Variants in PCP4 observed in about 807,000 individuals in gnomAD.
PCP4 encodes the protein Purkinje cell protein 4.
A neutral mutation model predicts 10.0 loss-of-function variants in PCP4; 8 were observed. The observed-to-expected ratio is 0.80, with a 90% CI of 0.47 to 1.45. PCP4 has a LOEUF of 1.45. Ranked by LOEUF, PCP4 falls within the 40% of genes most tolerant of loss-of-function variation. The probability of loss-of-function intolerance (pLI) is 0.00; values close to 1 mark genes in which losing one functional copy is unlikely to be tolerated. For synonymous variants in PCP4, 21 were observed against 23.0 expected (o/e 0.91, Z 0.24); for missense variants, 54 against 74.4 (o/e 0.73, Z 1.01).
At chr21:39,898,215 C>G (rs1049967107) in intron 1 of PCP4, 3 of 511,506 alleles carry the variant, frequency 5.9e-6, no homozygotes, top group Middle Eastern at 5.3e-4. Context: ...TGCTTGATCT[C>G]CCTCCTGGTT....
At chr21:39,884,758 A>G (rs1198358257) in intron 1 of PCP4, among the ~76,000 whole-genome samples, 4 of 151,894 alleles carry the variant, frequency 2.6e-5, no homozygotes, top group African/African-American at 4.8e-5. Flanking sequence ...AGATCATGCC[A>G]CTGCACTCCA....
intron 2 of PCP4, among the ~76,000 whole-genome samples, 194 bp from the exon 3 acceptor site, chr21:39,928,790 G>GGTGGTA (rs940147930): frequency 5.3e-5 from 8 of 152,094 alleles, no homozygotes; most frequent in African/African-American, 1.9e-4. Context: ...GTCCTGCTCA[G>GGTGGTA]GTGGTAGATT....
intron 1 of PCP4, among the ~76,000 whole-genome samples, chr21:39,882,486 T>C (rs2087380641): frequency 6.6e-6 from 1 of 152,254 alleles, no homozygotes; most frequent in Admixed American, 6.5e-5. Flanking sequence ...CTGGCATTAC[T>C]GCTGAAAGCA....
At chr21:39,899,884 G>A (rs998523720) in intron 2 of PCP4, among the ~76,000 whole-genome samples, 2 of 152,122 alleles carry the variant, frequency 1.3e-5, no homozygotes, top group Non-Finnish European at 2.9e-5. Context: ...CCTGCCATAG[G>A]GGAGCATAGG....
At chr21:39,868,268 G>A (rs2087303740) in intron 1 of PCP4, among the ~76,000 whole-genome samples, 1 of 152,094 alleles carries the variant, frequency 6.6e-6, no homozygotes, top group Admixed American at 6.5e-5. Context: ...CAATAACCGA[G>A]CCAAATGCAT....
intron 1 of PCP4, among the ~76,000 whole-genome samples, chr21:39,893,479 A>G (rs1006890): frequency 0.18 from 27,713 of 152,092 alleles, 3,152 homozygotes; most frequent in Admixed American, 0.28. Flanking sequence ...AAGAATGGAA[A>G]CCTCGCTTTC....
chr21:39,898,394 T>C, intron 1 of PCP4, 82 bp from the exon 2 acceptor site: 1 of 1,067,034 alleles, frequency 9.4e-7, no homozygotes, highest in African/African-American at 1.5e-5. Context: ...ATGCAAGAGA[T>C]GTTTGCAACA....
chr21:39,877,980 C>A (rs906523100), intron 1 of PCP4, among the ~76,000 whole-genome samples: 46 of 151,432 alleles, frequency 3.0e-4, no homozygotes, highest in Non-Finnish European at 2.8e-4. Context: ...AGTCACATTT[C>A]TTTTTTTCTT....
chr21:39,875,427 G>A (rs781304359), intron 1 of PCP4, among the ~76,000 whole-genome samples: 15 of 152,124 alleles, frequency 9.9e-5, no homozygotes, highest in South Asian at 2.1e-4. Flanking sequence ...TGTCCAAGAC[G>A]GGCGATGGTG....
intron 1 of PCP4, among the ~76,000 whole-genome samples, chr21:39,898,087 A>G (rs556214486): frequency 6.6e-5 from 10 of 150,864 alleles, no homozygotes; most frequent in African/African-American, 2.2e-4. Flanking sequence ...GGACATGGTG[A>G]CTGGAACGAA....
Position 39,871,498 on chromosome 21 carries a change from C to G in PCP4, c.9+3988C>G, listed in dbSNP as rs537441053. ...CAGCAACAAAGGTCAAATGACAATTCAACTTCTTATGTAATTATAACCCCA... is the reference window on the plus strand; with the variant it reads ...CAGCAACAAAGGTCAAATGACAATTGAACTTCTTATGTAATTATAACCCCA... On this transcript the variant is annotated intron_variant, in intron 1 of 2. Transcript: ENST00000328619. Among the ~76,000 whole-genome samples, 880 of 152,310 alleles carry G rather than the reference C, an allele frequency of 5.8e-3. 6 individuals carry two copies. The highest frequency in any genetic ancestry group is 9.7e-3 in the Non-Finnish European group (658 of 68,026).
intron 1 of PCP4, among the ~76,000 whole-genome samples, chr21:39,886,971 AC>A (rs2087403336): frequency 6.6e-6 from 1 of 152,212 alleles, no homozygotes; most frequent in Non-Finnish European, 1.5e-5. Context: ...GCCATATCCT[AC>A]TTTTGCAAAT....
intron 1 of PCP4, among the ~76,000 whole-genome samples, chr21:39,888,158 C>T (rs1472563286): frequency 6.6e-6 from 1 of 152,178 alleles, no homozygotes; most frequent in Non-Finnish European, 1.5e-5. Context: ...TACGAGAAGA[C>T]ACAGCACCGG....
intron 2 of PCP4, among the ~76,000 whole-genome samples, chr21:39,920,089 ATGTG>A (rs575364803): frequency 2.5e-5 from 2 of 80,292 alleles, no homozygotes; most frequent in Non-Finnish European, 5.0e-5. Context: ...GGTGTGTGTG[ATGTG>A]TGTGTGTGTT....
chr21:39,918,654 G>A (rs192839396), intron 2 of PCP4, among the ~76,000 whole-genome samples: 9 of 152,290 alleles, frequency 5.9e-5, no homozygotes, highest in African/African-American at 2.2e-4. Context: ...CCCTTGCCTG[G>A]GACTGCTAAT....
chr21:39,925,167 C>T (rs1334825880), intron 2 of PCP4, among the ~76,000 whole-genome samples: 1 of 152,180 alleles, frequency 6.6e-6, no homozygotes, highest in Non-Finnish European at 1.5e-5. Flanking sequence ...TACAGTGCCC[C>T]CTGTGGGCTG....
At chr21:39,882,967 T>G (rs1012315482) in intron 1 of PCP4, among the ~76,000 whole-genome samples, 1 of 152,220 alleles carries the variant, frequency 6.6e-6, no homozygotes, top group Non-Finnish European at 1.5e-5. Flanking sequence ...CATTTGGGTC[T>G]CTTTGCCTTT....
intron 2 of PCP4, among the ~76,000 whole-genome samples, chr21:39,902,076 T>C (rs1464991769): frequency 2.0e-5 from 3 of 152,220 alleles, no homozygotes; most frequent in Non-Finnish European, 2.9e-5. Flanking sequence ...ATTCTGTCAT[T>C]ATAGGTATCT....
chr21:39,928,126 T>C (rs1024509897), intron 2 of PCP4, among the ~76,000 whole-genome samples: 2 of 152,172 alleles, frequency 1.3e-5, no homozygotes, highest in African/African-American at 4.8e-5. Flanking sequence ...TTGTAAGATT[T>C]TGATACACCC....
Sources: allele counts gnomAD v4.1 joint callset (sites outside exome capture counted in the v4.1 genomes callset), GRCh38; gene constraint gnomAD v4.1.1; transcripts MANE v1.5; gene names NCBI Gene and HGNC (gene_info 2026-07-23, HGNC 2026-07-21).